The following SH3BP5 variants were observed in gnomAD, a reference collection of about 807,000 sequenced individuals.
The protein encoded by SH3BP5 is SH3 domain binding protein 5, also known as SH3 domain-binding protein 5.
In SH3BP5, 22 loss-of-function variants were observed where a neutral mutation model predicts 43.3. That is an observed-to-expected ratio of 0.51 (90% CI 0.36 to 0.73). The LOEUF is 0.73. SH3BP5 is among the 30% of genes least tolerant of loss of function. SH3BP5 has a pLI of 0.00. For missense variants in SH3BP5, 529 were observed against 586.9 expected (o/e 0.90, Z 1.02); for synonymous variants, 255 against 225.8 (o/e 1.13, Z -1.16).
At position 15,269,697 on chromosome 3, in the gene SH3BP5, C is replaced by A; in HGVS notation, c.495+16G>T. 1 of 1,550,858 alleles carries A rather than the reference C, an allele frequency of 6.4e-7. No homozygotes were observed. The stretch of plus-strand genomic sequence containing the variant: ...CACGCGCACACCCCCACAGCACACC[C>A]GGCCATGACTCATACCCTCTGAGTG... On this transcript the variant is annotated intron_variant, in intron 4 of 8. Transcript: ENST00000383791.
chr3:15,314,172 G>A (rs1304679716), intron 2 of SH3BP5, among the ~76,000 whole-genome samples: 4 of 151,492 alleles, frequency 2.6e-5, no homozygotes, highest in South Asian at 2.1e-4. Flanking sequence ...TCACTCTGTC[G>A]CCAGGGCTGG....
At chr3:15,335,893 G>A (rs1698695714), upstream of SH3BP5, among the ~76,000 whole-genome samples, 1 of 152,208 alleles carries the variant, frequency 6.6e-6, no homozygotes, top group African/African-American at 2.4e-5. Context: ...TCAAAGGAAT[G>A]TTAGTTTCTC....
rs138484334 is a variant in SH3BP5, at chr3:15,330,543, C to G, written c.162G>C (p.Gln54His). 1 of 1,609,554 alleles carries G rather than the reference C, an allele frequency of 6.2e-7. No homozygotes were observed. The highest frequency in any genetic ancestry group is 8.5e-7 in the Non-Finnish European group (1 of 1,178,572). ...CCCGTCTGTTGATATCATCCGTGGA[C>G]TGATTTAACTTCTCCAGTTCTCCCT... ...RIQGELEKLN[Q>H]STDDINRRET... Residue 54 changes from glutamine (Q) to histidine (H), a missense_variant, in exon 2 of 9, where the codon CAG (glutamine) becomes CAC (histidine). Physicochemically the swap from Gln to His is conservative, Grantham distance 24 (BLOSUM62 0). Around this residue, in one of 3 missense-constraint regions of SH3BP5, gnomAD observed 85 missense variants for 140.8 expected, o/e 0.60. Coordinates refer to ENST00000383791, the MANE Select transcript of SH3BP5 (RefSeq NM_004844.5).
At chr3:15,339,486 T>C (rs549297258) in intron 1 of SH3BP5, among the ~76,000 whole-genome samples, 44 of 151,986 alleles carry the variant, frequency 2.9e-4, no homozygotes, top group African/African-American at 9.9e-4. Context: ...CTGAGGCAGG[T>C]GGATCACCTG....
intron 2 of SH3BP5, among the ~76,000 whole-genome samples, chr3:15,318,491 A>C (rs1472496358): frequency 4.0e-5 from 6 of 148,248 alleles, no homozygotes; most frequent in African/African-American, 1.5e-4. Flanking sequence ...TTCCACCATC[A>C]TATGCTATGC....
chr3:15,275,777 A>G (rs779665156), intron 3 of SH3BP5: 1 of 152,180 alleles, frequency 6.6e-6, no homozygotes, highest in Non-Finnish European at 1.5e-5. Context: ...TCCCAGCACT[A>G]TGGAAGGCCA....
chr3:15,336,991 T>G (rs1188995580), upstream of SH3BP5, among the ~76,000 whole-genome samples: 2 of 152,168 alleles, frequency 1.3e-5, no homozygotes, highest in Admixed American at 1.3e-4. Flanking sequence ...GTCTTACTAC[T>G]TTTTACCTGT....
chr3:15,305,489 G>C (rs1301582520), intron 2 of SH3BP5, among the ~76,000 whole-genome samples: 4 of 152,234 alleles, frequency 2.6e-5, no homozygotes. Flanking sequence ...AGAAAAGTCA[G>C]TGCCAGGGTG....
intron 2 of SH3BP5, among the ~76,000 whole-genome samples, chr3:15,316,668 T>C (rs1461127543): frequency 1.3e-5 from 2 of 151,694 alleles, no homozygotes; most frequent in Non-Finnish European, 2.9e-5. Flanking sequence ...ATGTGTGAGA[T>C]AGGCCATCCT....
chr3:15,313,478 G>T (rs990377396), intron 2 of SH3BP5, among the ~76,000 whole-genome samples: 7 of 152,132 alleles, frequency 4.6e-5, no homozygotes, highest in African/African-American at 1.7e-4. Context: ...ACTGGCCAGT[G>T]GTAAAGGCAA....
chr3:15,281,884 A>G (rs554415335), intron 3 of SH3BP5, among the ~76,000 whole-genome samples: 3 of 152,196 alleles, frequency 2.0e-5, no homozygotes, highest in African/African-American at 7.2e-5. Context: ...CATGCCTATA[A>G]TCCCAGCTAC....
chr3:15,259,989 G>T (rs1696372309), intron 5 of SH3BP5, 186 bp from the exon 6 acceptor site: 2 of 621,720 alleles, frequency 3.2e-6, no homozygotes, highest in Non-Finnish European at 5.8e-6. Flanking sequence ...GACACCAGAT[G>T]GAACGACTGG....
chr3:15,297,575 A>G (rs1055767607), intron 3 of SH3BP5, among the ~76,000 whole-genome samples: 1 of 152,150 alleles, frequency 6.6e-6, no homozygotes, highest in Admixed American at 6.6e-5. Flanking sequence ...ATCGTTCCCA[A>G]TTCTTGAATT....
At chr3:15,304,581 G>A (rs1262584702) in intron 2 of SH3BP5, among the ~76,000 whole-genome samples, 6 of 152,128 alleles carry the variant, frequency 3.9e-5, no homozygotes, top group South Asian at 2.1e-4. Flanking sequence ...TTGGGAGGCC[G>A]AGGCAGGCCC....
Position 15,330,478 on chromosome 3 carries a change from A to G in SH3BP5, c.201+26T>C, listed in dbSNP as rs572805697. ...CCGGTGTGAGTGACATCACTTCACC[A>G]AGAACAGGAACTCAGCTCTCTGTAC... is the stretch of plus-strand genomic sequence containing the variant. On this transcript the variant is annotated intron_variant, in intron 2 of 8. Coordinates refer to ENST00000383791, the MANE Select transcript of SH3BP5 (RefSeq NM_004844.5). 1.5e-5 allele frequency: 24 copies of G among 1,599,898 alleles called. 1 individual carries two copies. The South Asian group carries it at 2.5e-4, about 17-fold the overall frequency.
chr3:15,257,837 T>TC (rs201252020), intron 7 of SH3BP5, among the ~76,000 whole-genome samples: 45 of 152,034 alleles, frequency 3.0e-4, no homozygotes, highest in South Asian at 1.2e-3. Context: ...ACTCCATTTT[T>TC]CCCCCCCTTT....
At chr3:15,274,317 A>G (rs4036837) in intron 3 of SH3BP5, among the ~76,000 whole-genome samples, 35,033 of 152,042 alleles carry the variant, frequency 0.23, 5,102 homozygotes, top group African/African-American at 0.4. Flanking sequence ...AAGAGGCTTA[A>G]TCGGCTCACA....
rs558529113 is a variant in SH3BP5 at position 15,340,959 on chromosome 3, G to A, written c.-402+264C>T. On this transcript the variant is annotated intron_variant, in intron 1 of 8. Coordinates refer to the SH3BP5 transcript ENST00000408919. ...CCCAGCTATTCGGGAGGCTGAGGCA[G>A]GAGAATCACTGGAACCCGGGAGGCG... Among the ~76,000 whole-genome samples the A allele has an allele frequency of 3.9e-5, 6 of 152,198 alleles. No individual in the cohort carries two copies. In the East Asian group the frequency reaches 1.2e-3, roughly 29 times the overall value.
At chr3:15,306,209 A>G (rs80302709) in intron 2 of SH3BP5, among the ~76,000 whole-genome samples, 2 of 151,934 alleles carry the variant, frequency 1.3e-5, no homozygotes, top group Non-Finnish European at 2.9e-5. Flanking sequence ...ACAAAAAAAA[A>G]TTAGCCAGGT....
Sources: allele counts gnomAD v4.1 joint callset (sites outside exome capture counted in the v4.1 genomes callset), GRCh38; gene constraint gnomAD v4.1.1; regional missense constraint gnomAD v4.1.1; transcripts MANE v1.5; gene names NCBI Gene and HGNC (gene_info 2026-07-23, HGNC 2026-07-21).